Variants in IMMP2L observed in about 807,000 individuals in gnomAD.
IMMP2L encodes the protein inner mitochondrial membrane peptidase subunit 2.
In IMMP2L, 18 loss-of-function variants were observed where a neutral mutation model predicts 19.3. The ratio of observed to expected loss-of-function variants is 0.93; its 90% confidence interval spans 0.64 to 1.38. IMMP2L has a LOEUF of 1.38. Ranked by LOEUF, IMMP2L falls within the 40% of genes most tolerant of loss-of-function variation. The probability of loss-of-function intolerance (pLI) is 0.00; values close to 1 mark genes in which losing one functional copy is unlikely to be tolerated. For missense variants in IMMP2L, 233 were observed against 218.2 expected (o/e 1.07, Z -0.43); for synonymous variants, 76 against 73.0 (o/e 1.04, Z -0.21).
intron 5 of IMMP2L, among the ~76,000 whole-genome samples, chr7:110,748,150 G>C (rs978941681): frequency 1.4e-4 from 22 of 152,134 alleles, no homozygotes; most frequent in African/African-American, 5.1e-4. Flanking sequence ...ATTCACAATT[G>C]TTACAAAGAG....
intron 3 of IMMP2L, among the ~76,000 whole-genome samples, chr7:111,232,793 C>T (rs1813857199): frequency 6.6e-6 from 1 of 152,030 alleles, no homozygotes; most frequent in Non-Finnish European, 1.5e-5. Context: ...TATAGCTTAT[C>T]TCTGCTACCT....
At chr7:111,125,855 C>G (rs890490190) in intron 3 of IMMP2L, among the ~76,000 whole-genome samples, 6 of 143,128 alleles carry the variant, frequency 4.2e-5, no homozygotes, top group African/African-American at 1.6e-4. Context: ...TGGAGTCTCC[C>G]TCTGTTGCTC....
At chr7:111,111,948 T>TG (rs1563254684) in intron 3 of IMMP2L, among the ~76,000 whole-genome samples, 1,365 of 131,750 alleles carry the variant, frequency 0.01, 43 homozygotes, top group African/African-American at 0.036. Context: ...GTTTGTTTTT[T>TG]TTTTTTTTTT....
intron 3 of IMMP2L, among the ~76,000 whole-genome samples, chr7:111,071,262 AATG>A (rs1794923778): frequency 6.6e-6 from 1 of 152,192 alleles, no homozygotes; most frequent in African/African-American, 2.4e-5. Context: ...GTGGAGAAGA[AATG>A]TAACCCTCAT....
intron 3 of IMMP2L, among the ~76,000 whole-genome samples, chr7:111,238,928 A>T (rs1412243676): frequency 6.6e-6 from 1 of 151,936 alleles, no homozygotes; most frequent in Non-Finnish European, 1.5e-5. Flanking sequence ...GCCTTTCAGA[A>T]TGATACTGAA....
intron 4 of IMMP2L, among the ~76,000 whole-genome samples, chr7:110,952,636 C>G (rs930807263): frequency 6.6e-6 from 1 of 152,100 alleles, no homozygotes; most frequent in African/African-American, 2.4e-5. Flanking sequence ...TGATTACCAT[C>G]TTCAGATAGA....
intron 3 of IMMP2L, chr7:111,124,265 C>T: frequency 6.2e-7 from 1 of 1,613,952 alleles, no homozygotes; most frequent in Non-Finnish European, 8.5e-7. Flanking sequence ...ACTTGTATAG[C>T]AACTAACCTA....
chr7:110,694,827 A>G (rs2130576813), intron 5 of IMMP2L, among the ~76,000 whole-genome samples: 1 of 152,346 alleles, frequency 6.6e-6, no homozygotes, highest in African/African-American at 2.4e-5. Context: ...GGATGGGTGG[A>G]TAACTGAAAT....
chr7:111,300,429 T>C (rs1379159491), intron 3 of IMMP2L, among the ~76,000 whole-genome samples: 4 of 152,172 alleles, frequency 2.6e-5, no homozygotes, highest in Non-Finnish European at 4.4e-5. Flanking sequence ...TCACATGCAG[T>C]TGTAAGAAAT....
At chr7:110,885,547 A>C (rs560950137) in intron 5 of IMMP2L, among the ~76,000 whole-genome samples, 23 of 152,010 alleles carry the variant, frequency 1.5e-4, no homozygotes, top group African/African-American at 5.5e-4. Context: ...ACATGAAAAA[A>C]CCCACAAAAT....
intron 3 of IMMP2L, among the ~76,000 whole-genome samples, chr7:111,086,300 T>C (rs1796328032): frequency 6.7e-6 from 1 of 148,790 alleles, no homozygotes; most frequent in South Asian, 2.1e-4. Context: ...ATCAGCAGGA[T>C]ATGGTGGCTT....
intron 3 of IMMP2L, among the ~76,000 whole-genome samples, chr7:111,359,483 G>T (rs546924313): frequency 1.8e-4 from 28 of 152,018 alleles, no homozygotes; most frequent in Non-Finnish European, 2.8e-4. Flanking sequence ...TGTATTTTTA[G>T]TAGAGACGGG....
Position 111,356,858 on chromosome 7 carries a change from C to G in IMMP2L, c.239+130380G>C, listed in dbSNP as rs141328060. 1.8e-3 allele frequency among the ~76,000 whole-genome samples: 271 copies of G among 152,180 alleles called. 2 individuals carry two copies. Among genetic ancestry groups the G allele is most frequent in the African/African-American group, 6.2e-3 (258 of 41,538 alleles). ...CCTGGCCAACACGGTGAAACCCTAT[C>G]TCCACTAAAAATACAAAAATTAGCC... On this transcript the variant is annotated intron_variant, in intron 3 of 5. Transcript: ENST00000405709.
At chr7:110,822,159 C>A (rs1236537151) in intron 5 of IMMP2L, among the ~76,000 whole-genome samples, 2 of 152,090 alleles carry the variant, frequency 1.3e-5, no homozygotes, top group Non-Finnish European at 2.9e-5. Flanking sequence ...TTCTTCTGAT[C>A]AATGACATCA....
At chr7:111,493,798 G>A (rs925854501) in intron 2 of IMMP2L, among the ~76,000 whole-genome samples, 3 of 151,258 alleles carry the variant, frequency 2.0e-5, no homozygotes, top group Admixed American at 2.0e-4. Context: ...ATGAGGTCAG[G>A]AGATCGAGAT....
intron 3 of IMMP2L, among the ~76,000 whole-genome samples, chr7:111,344,613 A>G (rs1476486312): frequency 6.6e-6 from 1 of 152,202 alleles, no homozygotes; most frequent in Non-Finnish European, 1.5e-5. Flanking sequence ...TAATATATGC[A>G]GACTATTTTG....
At chr7:111,468,498 T>C (rs1342207605) in intron 3 of IMMP2L, among the ~76,000 whole-genome samples, 1 of 152,124 alleles carries the variant, frequency 6.6e-6, no homozygotes, top group South Asian at 2.1e-4. Flanking sequence ...ATTTGAAATA[T>C]TTTTAAGTCT....
At chr7:111,111,388 T>A (rs186623655) in intron 3 of IMMP2L, among the ~76,000 whole-genome samples, 1 of 150,402 alleles carries the variant, frequency 6.6e-6, no homozygotes, top group Non-Finnish European at 1.5e-5. Flanking sequence ...CATCACAAAT[T>A]ACACTGCTTT....
At chr7:111,412,554 A>G (rs1196724582) in intron 3 of IMMP2L, among the ~76,000 whole-genome samples, 1 of 151,972 alleles carries the variant, frequency 6.6e-6, no homozygotes, top group Non-Finnish European at 1.5e-5. Flanking sequence ...AAGAAACCAC[A>G]AGGGAAATTT....
Sources: gnomAD v4.1 joint callset for allele counts (sites outside exome capture counted in the v4.1 genomes callset) on GRCh38, gnomAD v4.1.1 for gene constraint, MANE v1.5 for transcripts, NCBI Gene and HGNC (gene_info 2026-07-23, HGNC 2026-07-21) for gene names.